The following CLSTN2 variants were observed in gnomAD, a reference collection of about 807,000 sequenced individuals.
The protein encoded by CLSTN2 is calsyntenin 2, also known as calsyntenin-2.
Under a neutral mutation model 101.2 loss-of-function variants are expected in CLSTN2, and 48 were observed. That is an observed-to-expected ratio of 0.47 (90% confidence interval 0.38 to 0.60). The LOEUF is 0.60. CLSTN2 is among the 20% of genes least tolerant of loss of function. The probability of loss-of-function intolerance (pLI) is 0.00; values close to 1 mark genes in which losing one functional copy is unlikely to be tolerated. For synonymous variants in CLSTN2, 481 were observed against 463.6 expected (o/e 1.04, Z -0.48); for missense variants, 1,160 against 1,238.2 (o/e 0.94, Z 0.95).
chr3:140,466,617 C>T lies in CLSTN2; in HGVS notation c.1230C>T (p.Asn410=). 3.7e-6 allele frequency: 6 copies of T among 1,614,124 alleles called. No individual in the cohort carries two copies. The highest frequency in any genetic ancestry group is 5.1e-6 in the Non-Finnish European group (6 of 1,179,996). The part of the protein sequence containing the change: ...ILCNSDKTEM[N]RHHYALYVHN... ...CTTCTTTCTGCTTTTCAGAAATGAACCGGCATCACTATGCCCTGTATGTGC... is the reference window on the plus strand; with the variant it reads ...CTTCTTTCTGCTTTTCAGAAATGAATCGGCATCACTATGCCCTGTATGTGC... Residue 410 remains asparagine (N), a synonymous_variant, in exon 8 of 17, where the codon AAC becomes AAT. Coordinates refer to ENST00000458420, the MANE Select transcript of CLSTN2 (RefSeq NM_022131.3).
At chr3:140,048,213 C>T (rs944227769) in intron 1 of CLSTN2, among the ~76,000 whole-genome samples, 3 of 152,170 alleles carry the variant, frequency 2.0e-5, no homozygotes, top group Non-Finnish European at 2.9e-5. Flanking sequence ...TTTAAATGCA[C>T]GGCTATTAAA....
intron 8 of CLSTN2, chr3:140,507,620 T>C (rs1361847679): frequency 2.0e-5 from 3 of 152,208 alleles, no homozygotes; most frequent in African/African-American, 7.2e-5. Flanking sequence ...CGTCCTTTCC[T>C]TCACCATCAC....
intron 2 of CLSTN2, among the ~76,000 whole-genome samples, chr3:140,251,635 T>TTCCTTTCCTTTCCTC (rs1351692718): frequency 1.3e-5 from 2 of 151,820 alleles, no homozygotes; most frequent in African/African-American, 2.4e-5. Flanking sequence ...TTCCTTTCCT[T>TTCCTTTCCTTTCCTC]TCCTCTTTTT....
At chr3:140,499,113 T>G (rs1033003365) in intron 8 of CLSTN2, among the ~76,000 whole-genome samples, 1 of 152,220 alleles carries the variant, frequency 6.6e-6, no homozygotes, top group African/African-American at 2.4e-5. Context: ...TGTGGCTCAG[T>G]AATATAATCT....
intron 1 of CLSTN2, among the ~76,000 whole-genome samples, chr3:139,959,010 G>C (rs1387183665): frequency 6.6e-6 from 1 of 151,786 alleles, no homozygotes; most frequent in African/African-American, 2.4e-5. Flanking sequence ...GGTGAGGAAG[G>C]GGAGGCACTG....
intron 1 of CLSTN2, among the ~76,000 whole-genome samples, chr3:140,034,132 C>T (rs931865443): frequency 2.0e-5 from 3 of 152,176 alleles, no homozygotes; most frequent in Admixed American, 2.0e-4. Flanking sequence ...CACTGACAAT[C>T]CTGAGTCAAC....
intron 2 of CLSTN2, among the ~76,000 whole-genome samples, chr3:140,390,044 C>T (rs541988596): frequency 3.3e-5 from 5 of 150,114 alleles, no homozygotes; most frequent in Non-Finnish European, 4.4e-5. Flanking sequence ...TAGAATTCAC[C>T]AATGAAGCCA....
chr3:140,545,874 A>C (rs979180784), intron 9 of CLSTN2, among the ~76,000 whole-genome samples: 103 of 152,338 alleles, frequency 6.8e-4, no homozygotes, highest in African/African-American at 2.4e-3. Context: ...AAGTCCTTTT[A>C]TGTAAAAGGC....
At chr3:140,437,829 A>T (rs1487833391) in intron 5 of CLSTN2, among the ~76,000 whole-genome samples, 2 of 152,262 alleles carry the variant, frequency 1.3e-5, no homozygotes, top group Non-Finnish European at 2.9e-5. Flanking sequence ...GAATAAACTC[A>T]GTAAAAATTT....
chr3:140,478,141 G>A (rs561034418), intron 8 of CLSTN2, among the ~76,000 whole-genome samples: 27 of 152,120 alleles, frequency 1.8e-4, no homozygotes, highest in South Asian at 8.3e-4. Context: ...GGACTATCAC[G>A]TCTTGTTCAC....
At chr3:140,006,111 A>G (rs897729906) in intron 1 of CLSTN2, among the ~76,000 whole-genome samples, 1 of 152,168 alleles carries the variant, frequency 6.6e-6, no homozygotes, top group African/African-American at 2.4e-5. Flanking sequence ...TTCCAGTTTA[A>G]TCCACATTGA....
intron 2 of CLSTN2, among the ~76,000 whole-genome samples, chr3:140,215,853 T>C (rs1304604832): frequency 6.6e-6 from 1 of 152,240 alleles, no homozygotes; most frequent in Non-Finnish European, 1.5e-5. Context: ...TCAATATGTA[T>C]TATCTAATAT....
intron 1 of CLSTN2, among the ~76,000 whole-genome samples, chr3:140,137,872 G>A (rs913523369): frequency 2.0e-5 from 3 of 152,110 alleles, no homozygotes; most frequent in South Asian, 2.1e-4. Context: ...GCAGCATCAG[G>A]GTTTGAATTT....
At chr3:140,372,454 G>A (rs897817964) in intron 2 of CLSTN2, among the ~76,000 whole-genome samples, 3 of 152,132 alleles carry the variant, frequency 2.0e-5, no homozygotes, top group African/African-American at 7.2e-5. Context: ...GATGACTTGG[G>A]ATGAGCAAAG....
At chr3:140,246,062 C>T (rs565451474) in intron 2 of CLSTN2, among the ~76,000 whole-genome samples, 3 of 152,246 alleles carry the variant, frequency 2.0e-5, no homozygotes, top group South Asian at 2.1e-4. Context: ...TGTAAAAATG[C>T]GTTTACGTTG....
chr3:139,979,201 G>T (rs1348900188), intron 1 of CLSTN2, among the ~76,000 whole-genome samples: 1 of 152,034 alleles, frequency 6.6e-6, no homozygotes, highest in Non-Finnish European at 1.5e-5. Context: ...GTGACTGTGG[G>T]CCTCCGTGCC....
intron 1 of CLSTN2, among the ~76,000 whole-genome samples, chr3:140,135,290 T>C (rs1438014496): frequency 6.6e-6 from 1 of 151,766 alleles, no homozygotes; most frequent in African/African-American, 2.4e-5. Flanking sequence ...AATGTATTGA[T>C]TCTGGAATTC....
intron 1 of CLSTN2, among the ~76,000 whole-genome samples, chr3:139,995,480 C>G (rs915520945): frequency 1.3e-5 from 2 of 152,190 alleles, no homozygotes; most frequent in South Asian, 4.1e-4. Flanking sequence ...CATTAGCAGT[C>G]TTTTCTCCTC....
intron 5 of CLSTN2, 67 bp downstream of exon 5, chr3:140,421,341 T>C: frequency 6.4e-7 from 1 of 1,563,834 alleles, no homozygotes; most frequent in Non-Finnish European, 8.7e-7. Flanking sequence ...GGTGTACTTG[T>C]CCTCAAATCA....
Sources: gnomAD v4.1 joint callset for allele counts (sites outside exome capture counted in the v4.1 genomes callset) on GRCh38, gnomAD v4.1.1 for gene constraint, MANE v1.5 for transcripts, NCBI Gene and HGNC (gene_info 2026-07-23, HGNC 2026-07-21) for gene names.